The following TSHZ2 variants were observed in gnomAD, a reference collection of about 807,000 sequenced individuals.
TSHZ2 encodes the protein teashirt zinc finger homeobox 2.
TSHZ2 carries 21 observed loss-of-function variants against 74.4 expected under a neutral mutation model. The ratio of observed to expected loss-of-function variants is 0.28; its 90% CI spans 0.20 to 0.41. TSHZ2 has a LOEUF of 0.41. TSHZ2 is among the 10% of genes least tolerant of loss of function. The probability of loss-of-function intolerance (pLI) is 1.00; values close to 1 mark genes in which losing one functional copy is unlikely to be tolerated. For synonymous variants in TSHZ2, 540 were observed against 515.3 expected (o/e 1.05, Z -0.65); for missense variants, 1,244 against 1,293.5 (o/e 0.96, Z 0.59).
chr20:53,371,913 A>G (rs1056811729), intron 2 of TSHZ2, among the ~76,000 whole-genome samples: 1 of 150,844 alleles, frequency 6.6e-6, no homozygotes, highest in African/African-American at 2.4e-5. Flanking sequence ...TCAGCAGGAC[A>G]TGCTCCCTCA....
intron 1 of TSHZ2, among the ~76,000 whole-genome samples, chr20:53,127,743 G>GT (rs1242091865): frequency 6.6e-6 from 1 of 152,190 alleles, no homozygotes; most frequent in African/African-American, 2.4e-5. Flanking sequence ...GTGAGGCAGA[G>GT]TATTTATAAC....
chr20:53,088,100 C>T (rs2123251615), intron 1 of TSHZ2, among the ~76,000 whole-genome samples: 1 of 152,296 alleles, frequency 6.6e-6, no homozygotes, highest in Non-Finnish European at 1.5e-5. Context: ...GGGCATAGTT[C>T]TGCTCTGGGA....
intron 1 of TSHZ2, among the ~76,000 whole-genome samples, chr20:53,154,989 GA>G (rs937434194): frequency 1.2e-4 from 17 of 143,150 alleles, no homozygotes; most frequent in Admixed American, 3.5e-4. Flanking sequence ...GATGTAAGTT[GA>G]AAAAAAAATA....
At position 53,440,361 on chromosome 20, in the gene TSHZ2, G is replaced by A. The variant is rs528942305; in HGVS notation, c.*9-46783G>A. Among the ~76,000 whole-genome samples, 178 of 152,320 alleles carry A rather than the reference G, an allele frequency of 1.2e-3. 1 individual carries two copies. Among genetic ancestry groups the A allele is most frequent in the Non-Finnish European group, 1.9e-3 (132 of 68,032 alleles). On this transcript the variant is annotated intron_variant, in intron 2 of 2. Coordinates refer to ENST00000371497, the MANE Select transcript of TSHZ2 (RefSeq NM_173485.6). Reference sequence around the variant, plus strand: ...ACATTCCATTATCCCTAATGGAGCTGAGCCTTCTGCAATTGCAGGGGGTTC... The same window carrying A: ...ACATTCCATTATCCCTAATGGAGCTAAGCCTTCTGCAATTGCAGGGGGTTC...
intron 1 of TSHZ2, among the ~76,000 whole-genome samples, chr20:53,051,317 T>G (rs1984451573): frequency 6.6e-6 from 1 of 152,070 alleles, no homozygotes; most frequent in South Asian, 2.1e-4. Flanking sequence ...CCAGCCTGGG[T>G]GACGGGAGCA....
chr20:53,075,657 G>A (rs140209479), intron 1 of TSHZ2, among the ~76,000 whole-genome samples: 146 of 152,306 alleles, frequency 9.6e-4, no homozygotes, highest in African/African-American at 3.1e-3. Flanking sequence ...AAGGCAGAGC[G>A]TGATAAGATA....
At chr20:53,084,319 T>G (rs1022746410) in intron 1 of TSHZ2, among the ~76,000 whole-genome samples, 14 of 152,222 alleles carry the variant, frequency 9.2e-5, no homozygotes, top group African/African-American at 3.4e-4. Context: ...TAAAGAGTGT[T>G]TGAAGCAATT....
At chr20:53,366,754 G>T (rs1254774071) in intron 2 of TSHZ2, among the ~76,000 whole-genome samples, 2 of 152,142 alleles carry the variant, frequency 1.3e-5, no homozygotes. Context: ...CCCCCCTTTG[G>T]CCTCTAATGT....
chr20:53,309,023 T>A (rs913533670), intron 2 of TSHZ2, among the ~76,000 whole-genome samples: 10 of 152,168 alleles, frequency 6.6e-5, no homozygotes, highest in Admixed American at 5.9e-4. Context: ...GTTCTTCACA[T>A]GAAGGGAGGA....
rs997497800 is a variant in TSHZ2, at chr20:53,493,863, A to G, written c.*6728A>G. The G allele has an allele frequency of 1.3e-5, 2 of 152,286 alleles. No homozygotes were observed. 9.4% of individuals were successfully genotyped at this position (152,286 alleles called of 1,614,324 possible). A position where few individuals can be genotyped will look rare whatever the true frequency, so the allele number is the denominator to read the frequency against. Reference sequence around the variant, plus strand: ...AAAATTCTTCCCTTGGCTGACCCCAATTTCTTTTACTCCCCATTATCCTGA... The same window carrying G: ...AAAATTCTTCCCTTGGCTGACCCCAGTTTCTTTTACTCCCCATTATCCTGA... On this transcript the variant is annotated 3_prime_UTR_variant, in exon 3 of 3. Coordinates refer to ENST00000371497, the MANE Select transcript of TSHZ2 (RefSeq NM_173485.6).
At chr20:53,181,588 T>A (rs1421697556) in intron 1 of TSHZ2, among the ~76,000 whole-genome samples, 4 of 152,080 alleles carry the variant, frequency 2.6e-5, no homozygotes, top group Non-Finnish European at 5.9e-5. Context: ...TTGCTTTTAT[T>A]TAGAAATTAA....
chr20:53,293,717 AAG>A (rs1555847080), intron 2 of TSHZ2, among the ~76,000 whole-genome samples: 4 of 147,114 alleles, frequency 2.7e-5, no homozygotes, highest in African/African-American at 5.3e-5. Context: ...AAAAAAAAAA[AAG>A]AAAAGAAACA....
intron 1 of TSHZ2, among the ~76,000 whole-genome samples, chr20:52,999,256 T>G (rs536898245): frequency 9.2e-5 from 14 of 152,158 alleles, no homozygotes; most frequent in Non-Finnish European, 1.9e-4. Flanking sequence ...ACCACCTGGG[T>G]GCCAAGCACT....
At chr20:53,452,137 G>T (rs1357267747) in intron 2 of TSHZ2, among the ~76,000 whole-genome samples, 2 of 152,252 alleles carry the variant, frequency 1.3e-5, no homozygotes, top group Non-Finnish European at 2.9e-5. Context: ...TTCAGCTGCA[G>T]TTCATGCAAT....
At chr20:52,986,281 A>G (rs1981753012) in intron 1 of TSHZ2, among the ~76,000 whole-genome samples, 1 of 151,942 alleles carries the variant, frequency 6.6e-6, no homozygotes, top group South Asian at 2.1e-4. Context: ...ACATGCCTGT[A>G]AACCCAGCTA....
At chr20:53,230,370 C>T (rs1430281385) in intron 1 of TSHZ2, among the ~76,000 whole-genome samples, 1 of 152,102 alleles carries the variant, frequency 6.6e-6, no homozygotes, top group Admixed American at 6.6e-5. Flanking sequence ...TCCCTCTCTC[C>T]TTCCTTCTCC....
chr20:53,063,136 C>T (rs1368539729), intron 1 of TSHZ2, among the ~76,000 whole-genome samples: 2 of 152,110 alleles, frequency 1.3e-5, no homozygotes, highest in Non-Finnish European at 2.9e-5. Flanking sequence ...TTACCAAAGT[C>T]TGGCACAGAG....
intron 1 of TSHZ2, among the ~76,000 whole-genome samples, chr20:53,184,173 C>T (rs1988547208): frequency 6.6e-6 from 1 of 152,196 alleles, no homozygotes; most frequent in Non-Finnish European, 1.5e-5. Flanking sequence ...AATCATCTTT[C>T]CATGCATTCT....
At chr20:53,070,590 A>G (rs935871569) in intron 1 of TSHZ2, among the ~76,000 whole-genome samples, 1 of 152,228 alleles carries the variant, frequency 6.6e-6, no homozygotes, top group African/African-American at 2.4e-5. Context: ...ACAAGTCAAT[A>G]CATTACTCCT....
Sources: gnomAD v4.1 joint callset for allele counts (sites outside exome capture counted in the v4.1 genomes callset) on GRCh38, gnomAD v4.1.1 for gene constraint, MANE v1.5 for transcripts, NCBI Gene and HGNC (gene_info 2026-07-23, HGNC 2026-07-21) for gene names.